Variants in AGPAT3 observed in about 807,000 individuals in gnomAD.
The protein encoded by AGPAT3 is 1-acyl-sn-glycerol-3-phosphate acyltransferase gamma.
Under a neutral mutation model 47.3 loss-of-function variants are expected in AGPAT3, and 5 were observed. The observed-to-expected ratio is 0.11, with a 90% CI of 0.06 to 0.22. AGPAT3 has a LOEUF of 0.22. Among genes scored for constraint, AGPAT3 ranks in the 10% least tolerant of loss-of-function variants. The pLI is 1.00. For missense variants in AGPAT3, 315 were observed against 493.0 expected, an observed-to-expected ratio of 0.64 and a Z score of 3.42; for synonymous variants, 212 against 208.3, an observed-to-expected ratio of 1.02 and a Z score of -0.15.
Position 43,985,377 on chromosome 21 carries a change from G to T in AGPAT3, c.*2985G>T. 6.2e-6 allele frequency: 2 copies of T among 323,140 alleles called. No homozygotes were observed. Among genetic ancestry groups the T allele is most frequent in the South Asian group, 2.4e-5 (1 of 41,756 alleles). The allele number at this position is 323,140 out of a possible 1,614,324, so 20.0% of individuals were successfully genotyped here. A position where few individuals can be genotyped will look rare whatever the true frequency, so the allele number is the denominator to read the frequency against. ...TCACTAAATAACACAAAACAACAAT[G>T]TAAGCAGCACTTTCTTGTGTAAAAA... On this transcript the variant is annotated 3_prime_UTR_variant, in exon 10 of 10. Coordinates refer to ENST00000291572, the MANE Select transcript of AGPAT3 (RefSeq NM_020132.5).
intron 2 of AGPAT3, among the ~76,000 whole-genome samples, chr21:43,914,733 G>A (rs1472571799): frequency 6.6e-6 from 1 of 151,984 alleles, no homozygotes; most frequent in African/African-American, 2.4e-5. Flanking sequence ...TAGGGATGGG[G>A]GTCTTTCCAT....
rs147029393 is a variant in AGPAT3 at position 43,951,440 on chromosome 21, G to A, written c.-48-8194G>A. ...CTGCTGAGAGCTAGCCTTGCTCTCG[G>A]AAGGGCGGCTTGGGCAGGGCAAAGG... On this transcript the variant is annotated intron_variant, in intron 2 of 9. Coordinates refer to ENST00000291572, the MANE Select transcript of AGPAT3 (RefSeq NM_020132.5). Among the ~76,000 whole-genome samples, 14 of 152,332 alleles carry A rather than the reference G, an allele frequency of 9.2e-5. No homozygotes were observed. The East Asian group carries it at 2.3e-3, about 25-fold the overall frequency.
chr21:43,897,538 A>ACCTCC (rs1417501933), intron 1 of AGPAT3, among the ~76,000 whole-genome samples: 3,558 of 146,584 alleles, frequency 0.024, 806 homozygotes, highest in African/African-American at 0.064. Flanking sequence ...GGCGCTCCTC[A>ACCTCC]CATCCCAGAG....
intron 1 of AGPAT3, among the ~76,000 whole-genome samples, chr21:43,891,525 C>G (rs888570503): frequency 1.3e-5 from 2 of 151,766 alleles, no homozygotes; most frequent in Admixed American, 1.3e-4. Context: ...CCCAGCTACT[C>G]AAGAGGCTGA....
chr21:43,926,771 C>T, intron 2 of AGPAT3, among the ~76,000 whole-genome samples: 1 of 150,002 alleles, frequency 6.7e-6, no homozygotes, highest in East Asian at 2.0e-4. Flanking sequence ...ACCAGCCTGG[C>T]CAACCTGGCA....
intron 2 of AGPAT3, among the ~76,000 whole-genome samples, chr21:43,927,857 C>T (rs2087107319): frequency 6.6e-6 from 1 of 152,208 alleles, no homozygotes; most frequent in Non-Finnish European, 1.5e-5. Context: ...TCAGGCCTGG[C>T]CTGCAGAGGG....
chr21:43,865,420 C>T (rs2085481766), intron 1 of AGPAT3, 75 bp downstream of exon 1: 3 of 146,728 alleles, frequency 2.0e-5, no homozygotes, highest in African/African-American at 7.3e-5. Flanking sequence ...CCGAGGTCGC[C>T]CTCCCGCCGC....
chr21:43,963,707 CAAAAA>C (rs10582784), intron 3 of AGPAT3, among the ~76,000 whole-genome samples: 1 of 65,736 alleles, frequency 1.5e-5, no homozygotes, highest in African/African-American at 5.9e-5. Context: ...GACTCTGTCT[CAAAAA>C]AAAAAAAAAA....
intron 1 of AGPAT3, among the ~76,000 whole-genome samples, chr21:43,875,286 C>T (rs567096517): frequency 6.6e-6 from 1 of 152,208 alleles, no homozygotes; most frequent in Non-Finnish European, 1.5e-5. Flanking sequence ...GTATCTAATA[C>T]AATGCCTATA....
chr21:43,961,533 C>T (rs546138506), intron 3 of AGPAT3, among the ~76,000 whole-genome samples: 23 of 151,804 alleles, frequency 1.5e-4, no homozygotes, highest in Admixed American at 1.2e-3. Flanking sequence ...ACGGTGAGCG[C>T]GTATACACTT....
Position 43,985,219 on chromosome 21 carries a change from G to T in AGPAT3, c.*2827G>T, listed in dbSNP as rs1280284704. 1 of 456,212 alleles carries T rather than the reference G, an allele frequency of 2.2e-6. No individual in the cohort carries two copies. Among genetic ancestry groups the T allele is most frequent in the Non-Finnish European group, 4.4e-6 (1 of 226,936 alleles). 28.3% of individuals were successfully genotyped at this position (456,212 alleles called of 1,614,324 possible). ...CAAGGATGCCATTGCTGTCTTCATC[G>T]TCTTCCCCCGTGTGAGACACTGGTT... On this transcript the variant is annotated 3_prime_UTR_variant, in exon 10 of 10. Transcript: ENST00000291572.
chr21:43,973,204 G>A (rs753707850), intron 7 of AGPAT3, among the ~76,000 whole-genome samples: 5 of 152,258 alleles, frequency 3.3e-5, no homozygotes, highest in Non-Finnish European at 4.4e-5. Context: ...GTGGGGCCAC[G>A]AGCTGAGAGT....
rs1391490143 is a variant in AGPAT3, at chr21:43,983,822, C to T, written c.*1430C>T. The T allele has an allele frequency of 1.3e-5, 2 of 152,208 alleles. No homozygotes were observed. Among genetic ancestry groups the T allele is most frequent in the Non-Finnish European group, 2.9e-5 (2 of 68,032 alleles). 9.4% of individuals were successfully genotyped at this position (152,208 alleles called of 1,614,324 possible). A position where few individuals can be genotyped will look rare whatever the true frequency, so the allele number is the denominator to read the frequency against. ...TCATCTTTTTAGCAAGGTAAAAAAA[C>T]CAAAATGGGTGTTATCTCTGATATC... is the stretch of plus-strand genomic sequence containing the variant. On this transcript the variant is annotated 3_prime_UTR_variant, in exon 10 of 10. Coordinates refer to ENST00000291572, the MANE Select transcript of AGPAT3 (RefSeq NM_020132.5).
intron 2 of AGPAT3, among the ~76,000 whole-genome samples, chr21:43,914,063 C>T (rs1038017317): frequency 3.3e-5 from 5 of 152,118 alleles, no homozygotes; most frequent in Middle Eastern, 3.2e-3. Flanking sequence ...GATGTCTGAC[C>T]TCAGAGGCCA....
Position 43,970,636 on chromosome 21 carries a change from C to G in AGPAT3, c.511-17C>G. The G allele has an allele frequency of 1.9e-6, 3 of 1,613,084 alleles. No homozygotes were observed. The highest frequency in any genetic ancestry group is 2.5e-6 in the Non-Finnish European group (3 of 1,179,518). On this transcript the variant is annotated splice_polypyrimidine_tract_variant and intron_variant, in intron 5 of 9. Coordinates refer to ENST00000291572, the MANE Select transcript of AGPAT3 (RefSeq NM_020132.5). The surrounding 1 kb of genome is among the most constrained non-coding windows in gnomAD (Gnocchi z 5.8). Reference sequence around the variant, plus strand: ...CAGCTGCTCTGTGGAGTGACCCTGTCTCCGTGTTGATCCTAGTTTCTCCTG... The same window carrying G: ...CAGCTGCTCTGTGGAGTGACCCTGTGTCCGTGTTGATCCTAGTTTCTCCTG...
intron 2 of AGPAT3, among the ~76,000 whole-genome samples, chr21:43,959,029 GTGTGTGGCA>G (rs2088660298): frequency 7.8e-6 from 1 of 128,512 alleles, no homozygotes; most frequent in Non-Finnish European, 1.6e-5. Flanking sequence ...GCAGTGTGGT[GTGTGTGGCA>G]TGTGTGTGGT....
chr21:43,895,998 C>T (rs2086207438), intron 1 of AGPAT3, among the ~76,000 whole-genome samples: 1 of 152,076 alleles, frequency 6.6e-6, no homozygotes, highest in Non-Finnish European at 1.5e-5. Context: ...GAACTCCTGA[C>T]CTCAGGTGAT....
rs964033858 is a variant in AGPAT3, at chr21:43,915,508, T to G, written c.-49+11489T>G. On this transcript the variant is annotated intron_variant, in intron 2 of 9. Coordinates refer to ENST00000291572, the MANE Select transcript of AGPAT3 (RefSeq NM_020132.5). ...GTCACTGTAACCTCCGCCTCCCAGG[T>G]TCAAGCGATTCTCCTGCCTCAGCCT... Among the ~76,000 whole-genome samples the G allele has an allele frequency of 2.9e-5, 4 of 137,912 alleles. No individual in the cohort carries two copies. In the East Asian group the frequency reaches 6.5e-4, roughly 23 times the overall value. 90.5% of individuals were successfully genotyped at this position (137,912 alleles called of 152,430 possible).
At chr21:43,979,941 T>C (rs2089779902) in intron 8 of AGPAT3, among the ~76,000 whole-genome samples, 2 of 152,038 alleles carry the variant, frequency 1.3e-5, no homozygotes, top group Non-Finnish European at 2.9e-5. Context: ...AGAAAAAATA[T>C]CTTGAAGCCA....
Sources: gnomAD v4.1 joint callset for allele counts (sites outside exome capture counted in the v4.1 genomes callset) on GRCh38, gnomAD v4.1.1 for gene constraint, Gnocchi (gnomAD v3.1) non-coding constraint, MANE v1.5 for transcripts, NCBI Gene and HGNC (gene_info 2026-07-23, HGNC 2026-07-21) for gene names.